The following ESYT2 variants were observed in gnomAD, a reference collection of about 807,000 sequenced individuals.
ESYT2 encodes extended synaptotagmin 2, also known as extended synaptotagmin-2.
A neutral mutation model predicts 107.2 loss-of-function variants in ESYT2; 54 were observed. The ratio of observed to expected loss-of-function variants is 0.50; its 90% confidence interval spans 0.40 to 0.63. ESYT2 has a LOEUF of 0.63. Among genes scored for constraint, ESYT2 ranks in the 30% least tolerant of loss-of-function variants. ESYT2 has a pLI of 0.00. For missense variants in ESYT2, 1,020 were observed against 1,094.5 expected (o/e 0.93, Z 0.96); for synonymous variants, 491 against 434.1 (o/e 1.13, Z -1.63).
In ESYT2 at chr7:158,739,118, C is replaced by T. The variant is rs142126454; in HGVS notation, c.2172G>A (p.Gly724=). 1,058 of 1,613,952 alleles carry T rather than the reference C, an allele frequency of 6.6e-4. 15 individuals are homozygous for T. The East Asian group carries it at 0.02, about 30-fold the overall frequency. Residue 724 remains glycine, a synonymous_variant, in exon 19 of 23, where the codon GGG becomes GGA. Transcript: ENST00000275418. The stretch of plus-strand genomic sequence containing the variant: ...CCAGTGGAGACTGTCCCAGGGTCGT[C>T]CCGCTGTGGGAAAAGAGCAGAAAGT... ...LRQRLRQLEN[G]TTLGQSPLGQ...
At chr7:158,775,061 T>C (rs1404402538) in intron 6 of ESYT2, among the ~76,000 whole-genome samples, 1 of 152,218 alleles carries the variant, frequency 6.6e-6, no homozygotes, top group Non-Finnish European at 1.5e-5. Flanking sequence ...GGCTGGGTTC[T>C]AGAGCAGTGC....
intron 6 of ESYT2, among the ~76,000 whole-genome samples, chr7:158,776,591 T>A (rs75113281): frequency 0.029 from 4,451 of 152,306 alleles, 190 homozygotes; most frequent in East Asian, 0.12. Flanking sequence ...GTGAAGATAG[T>A]TAGGACTTTG....
At chr7:158,774,069 G>A (rs1584827296) in intron 6 of ESYT2, among the ~76,000 whole-genome samples, 1 of 152,220 alleles carries the variant, frequency 6.6e-6, no homozygotes, top group South Asian at 2.1e-4. Flanking sequence ...GTGGGTTGAT[G>A]AAAACTATTG....
chr7:158,752,254 T>C (rs1837612054), intron 14 of ESYT2, among the ~76,000 whole-genome samples: 1 of 152,152 alleles, frequency 6.6e-6, no homozygotes, highest in South Asian at 2.1e-4. Context: ...TTTTAGGGAG[T>C]GGAGCTTAGT....
chr7:158,787,394 A>G (rs1208898295), intron 6 of ESYT2, among the ~76,000 whole-genome samples: 4 of 152,226 alleles, frequency 2.6e-5, no homozygotes, highest in Non-Finnish European at 4.4e-5. Context: ...AGCATCTCCG[A>G]TAACATTCAA....
At chr7:158,756,894 A>G (rs940383805) in intron 13 of ESYT2, among the ~76,000 whole-genome samples, 2 of 148,818 alleles carry the variant, frequency 1.3e-5, no homozygotes, top group Non-Finnish European at 3.0e-5. Flanking sequence ...GGGCAAGAAG[A>G]GCAAAACTCC....
rs1197822170 is a variant in ESYT2 at position 158,760,088 on chromosome 7, C to T, written c.1293G>A (p.Thr431=). 3 of 1,614,212 alleles carry T rather than the reference C, an allele frequency of 1.9e-6. No homozygotes were observed. Among genetic ancestry groups the T allele is most frequent in the South Asian group, 1.1e-5 (1 of 91,084 alleles). ...CGAGGTTTGACGCATTTGGCATTAA[C>T]GTGAGCCACTCCAGTCTCAAGTGTA... ...GKLHLRLEWL[T]LMPNASNLDK... Residue 431 remains threonine (T), a synonymous_variant, in exon 12 of 23, where the codon ACG becomes ACA. Coordinates refer to ENST00000275418, the MANE Select transcript of ESYT2 (RefSeq NM_001367773.1).
At chr7:158,737,244 C>A in intron 19 of ESYT2, 65 bp from the exon 20 acceptor site, 1 of 1,549,798 alleles carries the variant, frequency 6.5e-7, no homozygotes, top group South Asian at 1.2e-5. Flanking sequence ...GCAGCACATT[C>A]AGATATGCTT....
chr7:158,746,993 A>G (rs1351807243), intron 16 of ESYT2, among the ~76,000 whole-genome samples: 1 of 152,190 alleles, frequency 6.6e-6, no homozygotes, highest in Non-Finnish European at 1.5e-5. Context: ...TGGAGGCTGC[A>G]GTGATCTGTG....
At chr7:158,750,771 C>A (rs998422144) in intron 14 of ESYT2, among the ~76,000 whole-genome samples, 2 of 152,336 alleles carry the variant, frequency 1.3e-5, no homozygotes, top group South Asian at 4.1e-4. Flanking sequence ...TAGCTGAGCA[C>A]AAGTCCTCTG....
chr7:158,821,652 G>T (rs1243138217), intron 1 of ESYT2, among the ~76,000 whole-genome samples: 1 of 152,118 alleles, frequency 6.6e-6, no homozygotes, highest in Non-Finnish European at 1.5e-5. Flanking sequence ...CAGGTCATGG[G>T]GACCTGGGCT....
chr7:158,792,577 AATATAT>A (rs35338776), intron 4 of ESYT2, among the ~76,000 whole-genome samples: 1 of 149,038 alleles, frequency 6.7e-6, no homozygotes, highest in African/African-American at 2.5e-5. Context: ...CATATATATA[AATATAT>A]ATATATAATG....
intron 1 of ESYT2, among the ~76,000 whole-genome samples, chr7:158,824,685 G>A (rs1840386815): frequency 6.6e-6 from 1 of 152,200 alleles, no homozygotes; most frequent in Admixed American, 6.5e-5. Flanking sequence ...GAACAGTTAA[G>A]TAGTATTATC....
chr7:158,810,222 C>T (rs1839955490), intron 1 of ESYT2, among the ~76,000 whole-genome samples: 1 of 152,222 alleles, frequency 6.6e-6, no homozygotes, highest in Non-Finnish European at 1.5e-5. Flanking sequence ...AAAACCTGTA[C>T]ATGAATGCTC....
At chr7:158,796,582 T>C (rs1168490283) in intron 3 of ESYT2, among the ~76,000 whole-genome samples, 2 of 152,204 alleles carry the variant, frequency 1.3e-5, no homozygotes, top group African/African-American at 4.8e-5. Flanking sequence ...AAGGGCGTGC[T>C]GACAGAAGAA....
chr7:158,805,009 G>A (rs1256870347), intron 1 of ESYT2, among the ~76,000 whole-genome samples: 1 of 152,170 alleles, frequency 6.6e-6, no homozygotes, highest in Non-Finnish European at 1.5e-5. Flanking sequence ...CCTGACAGTG[G>A]ACGAGACTTC....
intron 1 of ESYT2, among the ~76,000 whole-genome samples, chr7:158,810,585 G>C (rs1839965919): frequency 1.3e-5 from 2 of 152,128 alleles, no homozygotes; most frequent in Admixed American, 1.3e-4. Context: ...AGGAGGCTGA[G>C]ATGGCAGGAT....
At chr7:158,798,715 T>C (rs1358508422) in intron 2 of ESYT2, among the ~76,000 whole-genome samples, 1 of 151,864 alleles carries the variant, frequency 6.6e-6, no homozygotes, top group African/African-American at 2.4e-5. Flanking sequence ...GTTATTTCTT[T>C]CTTTGTCATG....
At chr7:158,823,162 G>A (rs1840333927) in intron 1 of ESYT2, among the ~76,000 whole-genome samples, 1 of 150,858 alleles carries the variant, frequency 6.6e-6, no homozygotes, top group African/African-American at 2.4e-5. Flanking sequence ...GGATGTGGCG[G>A]TGTGCGCCTG....
Sources: gnomAD v4.1 joint callset for allele counts (sites outside exome capture counted in the v4.1 genomes callset) on GRCh38, gnomAD v4.1.1 for gene constraint, MANE v1.5 for transcripts, NCBI Gene and HGNC (gene_info 2026-07-23, HGNC 2026-07-21) for gene names.